Variants in VIT observed in about 807,000 individuals in gnomAD.
VIT encodes vitrin.
VIT carries 99 observed loss-of-function variants against 78.0 expected under a neutral mutation model. That is an observed-to-expected ratio of 1.27 (90% CI 1.08 to 1.50). The LOEUF is 1.50. Among genes scored for constraint, VIT ranks in the 40% most tolerant of loss-of-function variants. The pLI, the probability that VIT is intolerant of heterozygous loss-of-function variation, is 0.00. For missense variants in VIT, 1,126 were observed against 875.3 expected, an observed-to-expected ratio of 1.29 and a Z score of -3.61; for synonymous variants, 374 against 334.3, an observed-to-expected ratio of 1.12 and a Z score of -1.29.
intron 14 of VIT, among the ~76,000 whole-genome samples, chr2:36,806,205 T>C (rs1482981388): frequency 6.6e-6 from 1 of 152,176 alleles, no homozygotes; most frequent in Non-Finnish European, 1.5e-5. Flanking sequence ...CTGTTCCCTT[T>C]GTACAGTGGA....
chr2:36,733,986 C>A (rs1667356969), intron 3 of VIT, among the ~76,000 whole-genome samples: 1 of 152,164 alleles, frequency 6.6e-6, no homozygotes, highest in African/African-American at 2.4e-5. Flanking sequence ...AAACAAATCA[C>A]TTTAGCTTTA....
intron 12 of VIT, among the ~76,000 whole-genome samples, chr2:36,794,315 C>A (rs1209540963): frequency 8.1e-6 from 1 of 123,388 alleles, no homozygotes; most frequent in Non-Finnish European, 1.7e-5. Flanking sequence ...CAAAGGAAAT[C>A]TTTGATATTC....
chr2:36,698,712 G>A (rs1664826189), intron 1 of VIT, among the ~76,000 whole-genome samples: 1 of 152,156 alleles, frequency 6.6e-6, no homozygotes, highest in Non-Finnish European at 1.5e-5. Flanking sequence ...GGGAGGCCGA[G>A]GTGGGTGGAT....
Position 36,716,408 on chromosome 2 carries a change from T to C in VIT, c.38T>C (p.Ile13Thr), listed in dbSNP as rs1275700711. The part of the protein sequence containing the change: ...TVVLTMKASV[I>T]EMFLVLLVTG... Reference sequence around the variant, plus strand: ...GTTCTCACTATGAAGGCATCTGTTATTGAAATGTTCCTTGGTAAGTACTTT... The same window carrying C: ...GTTCTCACTATGAAGGCATCTGTTACTGAAATGTTCCTTGGTAAGTACTTT... Residue 13 changes from isoleucine to threonine, a missense_variant, in exon 2 of 16, where the codon ATT becomes ACT. Physicochemically the swap from Ile to Thr is moderately conservative, Grantham distance 89. Transcript: ENST00000379242. The C allele has an allele frequency of 6.2e-7, 1 of 1,614,042 alleles. No individual in the cohort carries two copies.
chr2:36,764,526 G>A (rs1669304095), intron 6 of VIT, among the ~76,000 whole-genome samples: 1 of 152,240 alleles, frequency 6.6e-6, no homozygotes, highest in East Asian at 1.9e-4. Context: ...TGGCTTGAAG[G>A]AGGCTGCTGT....
At chr2:36,809,545 G>C (rs1005986406) in intron 15 of VIT, among the ~76,000 whole-genome samples, 1 of 152,138 alleles carries the variant, frequency 6.6e-6, no homozygotes, top group African/African-American at 2.4e-5. Flanking sequence ...AGCCTCCCAA[G>C]TAGCTGGGAT....
chr2:36,738,367 G>C (rs1667633522), intron 3 of VIT, among the ~76,000 whole-genome samples: 1 of 152,104 alleles, frequency 6.6e-6, no homozygotes, highest in African/African-American at 2.4e-5. Context: ...AAATTAACTT[G>C]CCTCTCTGAA....
intron 1 of VIT, among the ~76,000 whole-genome samples, chr2:36,698,650 C>A (rs1300775967): frequency 2.0e-5 from 3 of 152,128 alleles, no homozygotes; most frequent in African/African-American, 7.2e-5. Context: ...ACTTCTATAG[C>A]AATGTAATCT....
At chr2:36,770,643 G>A (rs1669689916) in intron 7 of VIT, among the ~76,000 whole-genome samples, 1 of 152,234 alleles carries the variant, frequency 6.6e-6, no homozygotes, top group South Asian at 2.1e-4. Flanking sequence ...AATGGCATCA[G>A]AGGGGGAAGC....
At chr2:36,757,463 G>GAA (rs55889690) in intron 5 of VIT, among the ~76,000 whole-genome samples, 76 of 151,808 alleles carry the variant, frequency 5.0e-4, no homozygotes, top group South Asian at 1.2e-3. Flanking sequence ...AATAGAAACA[G>GAA]AAAAAAAAAT....
chr2:36,700,776 C>A (rs7558567), intron 1 of VIT, among the ~76,000 whole-genome samples: 125,279 of 151,974 alleles, frequency 0.82, 52,549 homozygotes, highest in Middle Eastern at 0.95. Context: ...GCTAACACTT[C>A]CAGAGCTATT....
intron 13 of VIT, among the ~76,000 whole-genome samples, chr2:36,804,531 T>C (rs900383759): frequency 1.3e-5 from 2 of 152,244 alleles, no homozygotes; most frequent in African/African-American, 2.4e-5. Flanking sequence ...GGGGCACTTC[T>C]GTTCGCATGA....
chr2:36,764,612 T>C (rs558293329), intron 6 of VIT, among the ~76,000 whole-genome samples: 17 of 152,286 alleles, frequency 1.1e-4, no homozygotes, highest in Non-Finnish European at 1.9e-4. Context: ...AACAAGGCAA[T>C]TGAAAGATCG....
At chr2:36,795,515 C>A (rs536122246) in intron 12 of VIT, among the ~76,000 whole-genome samples, 90 of 151,932 alleles carry the variant, frequency 5.9e-4, no homozygotes, top group Admixed American at 1.4e-3. Context: ...CGGGTTCAAG[C>A]GATTCTCCTG....
intron 12 of VIT, among the ~76,000 whole-genome samples, chr2:36,794,510 G>A (rs1435498185): frequency 6.6e-6 from 1 of 152,094 alleles, no homozygotes; most frequent in Non-Finnish European, 1.5e-5. Context: ...ATATACGCTG[G>A]TCCTGAGACC....
chr2:36,731,010 G>A (rs1667169654), intron 3 of VIT, among the ~76,000 whole-genome samples: 2 of 152,196 alleles, frequency 1.3e-5, no homozygotes, highest in African/African-American at 4.8e-5. Context: ...GGATCCATCA[G>A]AGGAAAGCGC....
rs1667938240 is a variant in VIT, at chr2:36,743,189, A to G, written c.208A>G (p.Lys70Glu). ...VKCPAGCQDP[K>E]YHVYGTDVYA... ...ATGTCCAGCAGGATGCCAAGACCCC[A>G]AATACCATGTTTATGGCACTGACGT... The change falls in exon 4 of 16, where the codon AAA becomes GAA. Residue 70 changes from lysine (K) to glutamate (E), a missense_variant. By Grantham distance (56) the Lys-to-Glu change is moderately conservative. Coordinates refer to ENST00000379242, the MANE Select transcript of VIT (RefSeq NM_053276.4). The G allele has an allele frequency of 6.2e-7, 1 of 1,614,072 alleles. No homozygotes were observed. Among genetic ancestry groups the G allele is most frequent in the Middle Eastern group, 1.6e-4 (1 of 6,062 alleles).
At chr2:36,806,166 C>G (rs926395587) in intron 14 of VIT, among the ~76,000 whole-genome samples, 1 of 152,182 alleles carries the variant, frequency 6.6e-6, no homozygotes, top group Non-Finnish European at 1.5e-5. Context: ...AGATGTGGAG[C>G]AATGCCTCCC....
Position 36,722,280 on chromosome 2 carries a change from G to C in VIT, c.52+5858G>C, listed in dbSNP as rs372415405. On this transcript the variant is annotated intron_variant, in intron 2 of 15. Coordinates refer to ENST00000379242, the MANE Select transcript of VIT (RefSeq NM_053276.4). ...CAAGTGGAGTAAAGAGGCCGACACT[G>C]TAGCCAGCAAACTCGCATTCTGGTT... Among the ~76,000 whole-genome samples the C allele has an allele frequency of 1.5e-4, 23 of 152,282 alleles. No individual in the cohort carries two copies. The East Asian group carries it at 4.2e-3, about 28-fold the overall frequency.
Sources: gnomAD v4.1 joint callset for allele counts (sites outside exome capture counted in the v4.1 genomes callset) on GRCh38, gnomAD v4.1.1 for gene constraint, MANE v1.5 for transcripts, NCBI Gene and HGNC (gene_info 2026-07-23, HGNC 2026-07-21) for gene names.